Variants in ERICH6 observed in about 807,000 individuals in gnomAD.
The protein encoded by ERICH6 is glutamate rich 6.
In ERICH6, 71 loss-of-function variants were observed where a neutral mutation model predicts 71.0. The ratio of observed to expected loss-of-function variants is 1.00; its 90% CI spans 0.83 to 1.22. The LOEUF is 1.22. Ranked by LOEUF, ERICH6 falls within the 50% of genes most tolerant of loss-of-function variation. The probability of loss-of-function intolerance (pLI) is 0.00; values close to 1 mark genes in which losing one functional copy is unlikely to be tolerated. For synonymous variants in ERICH6, 262 were observed against 278.4 expected, an observed-to-expected ratio of 0.94 and a Z score of 0.59; for missense variants, 808 against 797.2, an observed-to-expected ratio of 1.01 and a Z score of -0.16.
At chr3:150,664,301 AC>A (rs1374077200) in intron 13 of ERICH6, among the ~76,000 whole-genome samples, 1 of 151,988 alleles carries the variant, frequency 6.6e-6, no homozygotes, top group African/African-American at 2.4e-5. Flanking sequence ...ACAAATAGGA[AC>A]CCCCATCAAC....
intron 13 of ERICH6, among the ~76,000 whole-genome samples, chr3:150,663,559 G>A (rs564322160): frequency 4.6e-5 from 7 of 150,948 alleles, no homozygotes; most frequent in South Asian, 2.1e-4. Flanking sequence ...CCCCCACCCC[G>A]CCAATGGTGG....
At chr3:150,684,871 T>C (rs1450417178) in intron 6 of ERICH6, among the ~76,000 whole-genome samples, 1 of 151,926 alleles carries the variant, frequency 6.6e-6, no homozygotes, top group Non-Finnish European at 1.5e-5. Context: ...CTAGGCATAG[T>C]GGTTCACACC....
At chr3:150,685,673 G>A in intron 6 of ERICH6, 69 bp downstream of exon 6, 1 of 1,147,202 alleles carries the variant, frequency 8.7e-7, no homozygotes, top group Non-Finnish European at 1.3e-6. Context: ...ACTGTCTATT[G>A]TGCAAATCAT....
Position 150,703,848 on chromosome 3 carries a change from G to C in ERICH6, c.51C>G (p.Asp17Glu). The change falls in exon 1 of 14, where the codon GAC becomes GAG. Residue 17 changes from aspartate (D) to glutamate (E), a missense_variant. Around this residue, in one of 3 missense-constraint regions of ERICH6, gnomAD observed 53 missense variants for 40.6 expected, o/e 1.30. Transcript: ENST00000295910. Reference sequence around the variant, plus strand: ...CTAACTCCTCCTCTGACTCCTTCTGGTCCTTCTTCCCCGGGTCTCCGAAGC... The same window carrying C: ...CTAACTCCTCCTCTGACTCCTTCTGCTCCTTCTTCCCCGGGTCTCCGAAGC... ...PSGFGDPGKKDQKESEEELEE... is the reference protein window; with the variant it reads ...PSGFGDPGKKEQKESEEELEE... 6.3e-7 allele frequency: 1 copy of C among 1,581,188 alleles called. No homozygotes were observed. Among genetic ancestry groups the C allele is most frequent in the Non-Finnish European group, 8.6e-7 (1 of 1,162,972 alleles).
rs1233668883 is a variant in ERICH6 at position 150,682,302 on chromosome 3, C to A, written c.798G>T (p.Glu266Asp). The change falls in exon 7 of 14, where the codon GAG becomes GAT. Residue 266 changes from glutamate (E) to aspartate (D), a missense_variant. Physicochemically the swap from Glu to Asp is conservative, Grantham distance 45 (BLOSUM62 2). Transcript: ENST00000295910. ...LGINFKDEEEETSPKCEFCGS... is the reference protein window; with the variant it reads ...LGINFKDEEEDTSPKCEFCGS... The stretch of plus-strand genomic sequence containing the variant: ...CACAAAATTCACATTTGGGTGATGT[C>A]TCCTCCTCTTCATCCTTCAGAGAGA... 1.2e-6 allele frequency: 2 copies of A among 1,612,996 alleles called. No individual in the cohort carries two copies. Among genetic ancestry groups the A allele is most frequent in the Non-Finnish European group, 1.7e-6 (2 of 1,179,864 alleles).
At chr3:150,679,035 C>CAAAAAAAAAAA (rs1160094551) in intron 9 of ERICH6, among the ~76,000 whole-genome samples, 3 of 65,224 alleles carry the variant, frequency 4.6e-5, no homozygotes, top group African/African-American at 1.8e-4. Context: ...GACTCTGTCT[C>CAAAAAAAAAAA]AAAAAAAAAA....
chr3:150,690,130 G>A (rs772864501), intron 3 of ERICH6, among the ~76,000 whole-genome samples: 10 of 152,130 alleles, frequency 6.6e-5, no homozygotes, highest in Admixed American at 1.3e-4. Flanking sequence ...AGAGCTCAGC[G>A]ATCCAGTTAA....
Position 150,703,860 on chromosome 3 carries a change from CG to C in ERICH6, c.38del (p.Pro13ArgfsTer13). The C allele has an allele frequency of 1.2e-6, 2 of 1,613,950 alleles. No individual in the cohort carries two copies. Among genetic ancestry groups the C allele is most frequent in the Non-Finnish European group, 1.7e-6 (2 of 1,179,962 alleles). On this transcript the variant is annotated frameshift_variant, in exon 1 of 14. Transcript: ENST00000295910. LOFTEE classifies it high-confidence loss of function. ...CTGACTCCTTCTGGTCCTTCTTCCC[CG>C]GGTCTCCGAAGCCGCTAGGCGAGCG... ...HLRSPSGFGD[P>X]GKKDQKESEE...
At chr3:150,681,050 C>G (rs961638656) in intron 7 of ERICH6, 120 bp from the exon 8 acceptor site, 2 of 1,023,412 alleles carry the variant, frequency 2.0e-6, no homozygotes, top group Admixed American at 6.1e-5. Flanking sequence ...CTGGTAATAG[C>G]TTTATTAAGA....
At chr3:150,690,466 C>CT (rs1712391229) in intron 3 of ERICH6, among the ~76,000 whole-genome samples, 1 of 151,772 alleles carries the variant, frequency 6.6e-6, no homozygotes, top group South Asian at 2.1e-4. Context: ...CCTAATATAT[C>CT]TATGTATTTG....
intron 11 of ERICH6, among the ~76,000 whole-genome samples, chr3:150,672,334 A>T (rs1711510658): frequency 6.7e-6 from 1 of 149,282 alleles, no homozygotes; most frequent in African/African-American, 2.5e-5. Flanking sequence ...GTGGTGGCTC[A>T]TGCCTGTAAT....
chr3:150,680,858 TA>T lies in ERICH6; in HGVS notation c.954del (p.Ala320LeufsTer3), dbSNP rs749563498. The T allele has an allele frequency of 3.7e-6, 6 of 1,614,076 alleles. No homozygotes were observed. The East Asian group carries it at 8.9e-5, about 24-fold the overall frequency. ...GGGTCAATAGCAATTAATTCAGCTT[TA>T]GGGGGTTTGGTTTTTATTTGCTCCT... ...IYEEQIKTKP[P>X]KAELIAIDPH... On this transcript the variant is annotated frameshift_variant, in exon 8 of 14. Coordinates refer to ENST00000295910, the MANE Select transcript of ERICH6 (RefSeq NM_152394.5). LOFTEE classifies it high-confidence loss of function.
intron 3 of ERICH6, among the ~76,000 whole-genome samples, chr3:150,690,463 T>G (rs2108070556): frequency 6.6e-6 from 1 of 152,238 alleles, no homozygotes; most frequent in East Asian, 1.9e-4. Flanking sequence ...ATGCCTAATA[T>G]ATCTATGTAT....
At position 150,703,571 on chromosome 3, in the gene ERICH6, A is replaced by T. The variant is rs745939491; in HGVS notation, c.328T>A (p.Phe110Ile). The T allele has an allele frequency of 4.3e-6, 7 of 1,613,682 alleles. No individual in the cohort carries two copies. The highest frequency in any genetic ancestry group is 5.1e-6 in the Non-Finnish European group (6 of 1,179,932). ...SIVSPSLTST[F>I]VPSQSATSTE... The stretch of plus-strand genomic sequence containing the variant: ...CTGGTCGCGCTCTGGCTGGGCACGA[A>T]CGTAGAGGTCAGGCTAGGGCTGACG... The change falls in exon 1 of 14, where the codon TTC becomes ATC. Residue 110 changes from phenylalanine to isoleucine, a missense_variant. Phe to Ile is a conservative substitution (Grantham distance 21). Around this residue, in one of 3 missense-constraint regions of ERICH6, gnomAD observed 736 missense variants for 712.2 expected, o/e 1.03. Coordinates refer to ENST00000295910, the MANE Select transcript of ERICH6 (RefSeq NM_152394.5).
At chr3:150,668,318 G>T (rs1193984492) in intron 12 of ERICH6, among the ~76,000 whole-genome samples, 4 of 152,226 alleles carry the variant, frequency 2.6e-5, no homozygotes, top group Admixed American at 1.3e-4. Flanking sequence ...AAGAGGCAGA[G>T]AGGGCTATGA....
At position 150,680,862 on chromosome 3, in the gene ERICH6, G is replaced by A. The variant is rs1711896007; in HGVS notation, c.951C>T (p.Pro317=). 1 of 1,614,024 alleles carries A rather than the reference G, an allele frequency of 6.2e-7. No homozygotes were observed. The highest frequency in any genetic ancestry group is 8.5e-7 in the Non-Finnish European group (1 of 1,180,012). ...CAATAGCAATTAATTCAGCTTTAGGGGGTTTGGTTTTTATTTGCTCCTCAT... is the reference window on the plus strand; with the variant it reads ...CAATAGCAATTAATTCAGCTTTAGGAGGTTTGGTTTTTATTTGCTCCTCAT... ...YIYEEQIKTK[P]PKAELIAIDP... The change falls in exon 8 of 14, where the codon CCC becomes CCT. Residue 317 remains proline, a synonymous_variant. Coordinates refer to ENST00000295910, the MANE Select transcript of ERICH6 (RefSeq NM_152394.5).
intron 10 of ERICH6, among the ~76,000 whole-genome samples, chr3:150,677,266 C>A (rs531838846): frequency 7.2e-4 from 109 of 152,142 alleles, no homozygotes; most frequent in African/African-American, 1.7e-3. Flanking sequence ...CTATATCTCC[C>A]AAGTTAAACA....
intron 11 of ERICH6, 115 bp downstream of exon 11, chr3:150,673,841 A>G (rs1260721842): frequency 1.1e-6 from 1 of 915,872 alleles, no homozygotes; most frequent in East Asian, 2.7e-5. Flanking sequence ...TCAGCCTCCC[A>G]AAGTGCTGGC....
At chr3:150,689,682 T>G (rs1217765695) in intron 3 of ERICH6, among the ~76,000 whole-genome samples, 1 of 152,222 alleles carries the variant, frequency 6.6e-6, no homozygotes, top group Admixed American at 6.5e-5. Flanking sequence ...AAAAGTTTTT[T>G]TCTTCTCAGT....
Sources: allele counts gnomAD v4.1 joint callset (sites outside exome capture counted in the v4.1 genomes callset), GRCh38; gene constraint gnomAD v4.1.1; regional missense constraint gnomAD v4.1.1; transcripts MANE v1.5; gene names NCBI Gene and HGNC (gene_info 2026-07-23, HGNC 2026-07-21).